Variants in CYBRD1 observed in about 807,000 individuals in gnomAD.
The protein encoded by CYBRD1 is plasma membrane ascorbate-dependent reductase CYBRD1.
CYBRD1 carries 14 observed loss-of-function variants against 21.9 expected under a neutral mutation model. The observed-to-expected ratio is 0.64, with a 90% CI of 0.42 to 1.00. The LOEUF is 1.00. Ranked by LOEUF, CYBRD1 falls within the 50% of genes least tolerant of loss-of-function variation. The pLI, the probability that CYBRD1 is intolerant of heterozygous loss-of-function variation, is 0.00. For synonymous variants in CYBRD1, 146 were observed against 136.5 expected, an observed-to-expected ratio of 1.07 and a Z score of -0.48; for missense variants, 328 against 352.5, an observed-to-expected ratio of 0.93 and a Z score of 0.56.
At chr2:171,543,554 AT>A (rs778483442) in intron 2 of CYBRD1, among the ~76,000 whole-genome samples, 16 of 152,110 alleles carry the variant, frequency 1.1e-4, no homozygotes, top group Non-Finnish European at 1.5e-4. Context: ...CCCGGTGTTT[AT>A]TCTCATTCTC....
At position 171,553,501 on chromosome 2, in the gene CYBRD1, G is replaced by A; in HGVS notation, c.557+1G>A. The A allele has an allele frequency of 1.2e-6, 2 of 1,610,896 alleles. No individual in the cohort carries two copies. Among genetic ancestry groups the A allele is most frequent in the Non-Finnish European group, 1.7e-6 (2 of 1,178,158 alleles). The stretch of plus-strand genomic sequence containing the variant: ...TGACAGAGAAACTGATTTTTTCCCT[G>A]TAAGTTGCATAGTCTTCTTAATTGT... On this transcript the variant is annotated splice_donor_variant, in intron 3 of 3. Transcript: ENST00000321348. LOFTEE classifies it high-confidence loss of function.
intron 1 of CYBRD1, among the ~76,000 whole-genome samples, chr2:171,527,668 C>A (rs1254569678): frequency 6.6e-6 from 1 of 152,184 alleles, no homozygotes; most frequent in Non-Finnish European, 1.5e-5. Context: ...TGTACCTCCT[C>A]TTCCCTTCAT....
chr2:171,538,753 T>G (rs565476020), intron 1 of CYBRD1, among the ~76,000 whole-genome samples: 1 of 152,302 alleles, frequency 6.6e-6, no homozygotes, highest in East Asian at 1.9e-4. Flanking sequence ...GAAAAAGGAA[T>G]AGATAATCCC....
chr2:171,551,647 G>A (rs891065258), intron 2 of CYBRD1, among the ~76,000 whole-genome samples: 1 of 152,064 alleles, frequency 6.6e-6, no homozygotes, highest in African/African-American at 2.4e-5. Context: ...TATAATACAA[G>A]TCTTCCAACT....
chr2:171,547,424 AT>A (rs1697732837), intron 2 of CYBRD1, among the ~76,000 whole-genome samples: 1 of 136,220 alleles, frequency 7.3e-6, no homozygotes, highest in Non-Finnish European at 1.6e-5. Flanking sequence ...CCAAGGAGGC[AT>A]TTGGGTGCTC....
upstream of CYBRD1, chr2:171,522,340 G>T (rs769723549): frequency 3.3e-6 from 5 of 1,516,908 alleles, no homozygotes; most frequent in Non-Finnish European, 4.4e-6. This position sits in a 1 kb window ranked among gnomAD's most constrained non-coding sequence, Gnocchi z 4.3. Flanking sequence ...TGATCCCGGG[G>T]GTGGGGCCCA....
chr2:171,527,497 G>A (rs915399537), intron 1 of CYBRD1, among the ~76,000 whole-genome samples: 3 of 152,174 alleles, frequency 2.0e-5, no homozygotes, highest in African/African-American at 7.2e-5. Context: ...AGTGTCTAAA[G>A]TAAACACACC....
At chr2:171,532,723 C>T (rs1270383296) in intron 1 of CYBRD1, among the ~76,000 whole-genome samples, 1 of 151,726 alleles carries the variant, frequency 6.6e-6, no homozygotes, top group Admixed American at 6.6e-5. Context: ...ATATCTTGAG[C>T]CCAGGAAGCA....
intron 2 of CYBRD1, among the ~76,000 whole-genome samples, chr2:171,552,950 T>C (rs1295489729): frequency 2.0e-5 from 3 of 152,186 alleles, no homozygotes; most frequent in Non-Finnish European, 4.4e-5. Flanking sequence ...TACCAGAATG[T>C]TCACTATAGT....
At position 171,554,733 on chromosome 2, in the gene CYBRD1, A is replaced by G. The variant is rs202002995; in HGVS notation, c.767A>G (p.Asn256Ser). 2.7e-5 allele frequency: 43 copies of G among 1,614,034 alleles called. No individual in the cohort carries two copies. In the South Asian group the frequency reaches 3.6e-4, roughly 14 times the overall value. ...TCCATGCCAGCCTACTCTGGCAACA[A>G]CATGGACAAATCAGATTCAGAGTTA... The part of the protein sequence containing the change: ...RGSMPAYSGN[N>S]MDKSDSELNS... Residue 256 changes from asparagine to serine, a missense_variant, in exon 4 of 4, where the codon AAC (asparagine) becomes AGC (serine). Transcript: ENST00000321348.
rs1012526647 is a variant in CYBRD1, at chr2:171,548,341, T to C, written c.403-5005T>C. Among the ~76,000 whole-genome samples the C allele has an allele frequency of 4.6e-5, 7 of 152,186 alleles. No individual in the cohort carries two copies. The East Asian group carries it at 9.6e-4, about 21-fold the overall frequency. ...GTGCTTTAACAAGCACATAAGGTGA[T>C]TCAGATTAGTGCTAATATTTCTGAA... On this transcript the variant is annotated intron_variant, in intron 2 of 3. Transcript: ENST00000321348.
intron 1 of CYBRD1, among the ~76,000 whole-genome samples, chr2:171,533,324 G>A (rs375681960): frequency 2.0e-5 from 3 of 152,166 alleles, no homozygotes; most frequent in East Asian, 1.9e-4. Flanking sequence ...CCGAGATCCC[G>A]CCACTGCACT....
rs150625946 is a variant in CYBRD1, at chr2:171,533,283, C to T, written c.194-8302C>T. Among the ~76,000 whole-genome samples the T allele has an allele frequency of 1.3e-3, 191 of 152,290 alleles. 1 individual carries two copies. Among genetic ancestry groups the T allele is most frequent in the African/African-American group, 4.4e-3 (185 of 41,574 alleles). On this transcript the variant is annotated intron_variant, in intron 1 of 3. Coordinates refer to ENST00000321348, the MANE Select transcript of CYBRD1 (RefSeq NM_024843.4). ...TCTGGAGGCTGAGGCATGAGAATTGCTTGAACCCGGGAATCCGAGGTTGCA... is the reference window on the plus strand; with the variant it reads ...TCTGGAGGCTGAGGCATGAGAATTGTTTGAACCCGGGAATCCGAGGTTGCA...
At chr2:171,549,757 G>A (rs1363931162) in intron 2 of CYBRD1, among the ~76,000 whole-genome samples, 1 of 152,172 alleles carries the variant, frequency 6.6e-6, no homozygotes, top group African/African-American at 2.4e-5. Flanking sequence ...TTTTATGAAA[G>A]TTTATTTTTC....
intron 3 of CYBRD1, among the ~76,000 whole-genome samples, chr2:171,554,114 C>A (rs1683439231): frequency 2.6e-5 from 4 of 152,100 alleles, no homozygotes; most frequent in African/African-American, 7.2e-5. Context: ...TAGAAAGCAA[C>A]CAATCAGAGA....
chr2:171,524,288 A>G (rs6759240), intron 1 of CYBRD1, among the ~76,000 whole-genome samples: 56,050 of 152,014 alleles, frequency 0.37, 10,488 homozygotes, highest in South Asian at 0.43. Context: ...GCTTATAAGA[A>G]AAAAACATAC....
chr2:171,530,300 A>G (rs1012574366), intron 1 of CYBRD1, among the ~76,000 whole-genome samples: 5 of 152,218 alleles, frequency 3.3e-5, no homozygotes, highest in Non-Finnish European at 7.3e-5. Context: ...GGGGATTAAT[A>G]TAGGCTATAA....
Position 171,555,140 on chromosome 2 carries a change from G to A in CYBRD1, c.*313G>A. The A allele has an allele frequency of 3.0e-6, 1 of 332,258 alleles. No homozygotes were observed. Among genetic ancestry groups the A allele is most frequent in the Non-Finnish European group, 5.6e-6 (1 of 177,144 alleles). 20.6% of individuals were successfully genotyped at this position (332,258 alleles called of 1,614,324 possible). The stretch of plus-strand genomic sequence containing the variant: ...ATATGTGAATATGTGTCTACTAGTA[G>A]TTAATTGGATAAACTGGCAGCATCC... On this transcript the variant is annotated 3_prime_UTR_variant, in exon 4 of 4. Transcript: ENST00000321348.
chr2:171,552,800 C>A (rs1683401695), intron 2 of CYBRD1, among the ~76,000 whole-genome samples: 1 of 152,198 alleles, frequency 6.6e-6, no homozygotes, highest in South Asian at 2.1e-4. Context: ...AAACAAAAAT[C>A]AACTTCATTC....
Sources: gnomAD v4.1 joint callset for allele counts (sites outside exome capture counted in the v4.1 genomes callset) on GRCh38, gnomAD v4.1.1 for gene constraint, Gnocchi (gnomAD v3.1) non-coding constraint, MANE v1.5 for transcripts, NCBI Gene and HGNC (gene_info 2026-07-23, HGNC 2026-07-21) for gene names.